ANKRD33B: variants seen among roughly 807,000 people sequenced by gnomAD.
The protein encoded by ANKRD33B is ankyrin repeat domain 33B, also known as ankyrin repeat domain-containing protein 33B.
In ANKRD33B, 6 loss-of-function variants were observed where a neutral mutation model predicts 21.5. That is an observed-to-expected ratio of 0.28 (90% confidence interval 0.15 to 0.55). The LOEUF is 0.55. Among genes scored for constraint, ANKRD33B ranks in the 20% least tolerant of loss-of-function variants. The pLI is 0.94. For missense variants in ANKRD33B, 698 were observed against 747.2 expected, an observed-to-expected ratio of 0.93 and a Z score of 0.77; for synonymous variants, 347 against 342.4, an observed-to-expected ratio of 1.01 and a Z score of -0.15.
In ANKRD33B at chr5:10,651,360, A is replaced by G. The variant is rs1737353333; in HGVS notation, c.*1247A>G. 1 of 152,172 alleles carries G rather than the reference A, an allele frequency of 6.6e-6. No individual in the cohort carries two copies. Among genetic ancestry groups the G allele is most frequent in the Non-Finnish European group, 1.5e-5 (1 of 68,006 alleles). The allele number at this position is 152,172 out of a possible 1,614,324, so 9.4% of individuals were successfully genotyped here. On this transcript the variant is annotated 3_prime_UTR_variant, in exon 4 of 4. Transcript: ENST00000296657. ...TGGGTGTGATTTGCCTTGGGCCACA[A>G]GCTCTTGGTGAGAGTCTTATGTCCA...
At chr5:10,642,105 TAATTTG>T (rs1737075347) in intron 3 of ANKRD33B, among the ~76,000 whole-genome samples, 2 of 152,240 alleles carry the variant, frequency 1.3e-5, no homozygotes, top group Non-Finnish European at 2.9e-5. Flanking sequence ...CCCATTGAAT[TAATTTG>T]AACTGCAAAC....
chr5:10,606,739 T>C (rs1174702586), intron 1 of ANKRD33B, among the ~76,000 whole-genome samples: 2 of 151,052 alleles, frequency 1.3e-5, no homozygotes, highest in Admixed American at 1.3e-4. Flanking sequence ...TCTTTTTTTT[T>C]TTTTTTTGAG....
Position 10,655,642 on chromosome 5 carries a change from A to T in ANKRD33B, c.*5529A>T, listed in dbSNP as rs375626225. 1 of 152,350 alleles carries T rather than the reference A, an allele frequency of 6.6e-6. No homozygotes were observed. The highest frequency in any genetic ancestry group is 2.4e-5 in the African/African-American group (1 of 41,436). The allele number at this position is 152,350 out of a possible 1,614,324, so 9.4% of individuals were successfully genotyped here. On this transcript the variant is annotated 3_prime_UTR_variant, in exon 4 of 4. Coordinates refer to ENST00000296657, the MANE Select transcript of ANKRD33B (RefSeq NM_001164440.2). ...GGTCAGAGTCCCCCTGTGCTGTGTC[A>T]GCTCCTGGACACTACTAGTCTTTCA... is the stretch of plus-strand genomic sequence containing the variant.
Position 10,576,867 on chromosome 5 carries a change from C to G in ANKRD33B, c.366+12034C>G, listed in dbSNP as rs2126549018. On this transcript the variant is annotated intron_variant, in intron 1 of 3. Coordinates refer to ENST00000296657, the MANE Select transcript of ANKRD33B (RefSeq NM_001164440.2). The surrounding 1 kb of genome is among the most constrained non-coding windows in gnomAD (Gnocchi z 4.1). Reference sequence around the variant, plus strand: ...CCATGGGGAGAAGCCCAGAAGAGAGCAGAGGAGGGTGCTGGGGCTTCTGGT... The same window carrying G: ...CCATGGGGAGAAGCCCAGAAGAGAGGAGAGGAGGGTGCTGGGGCTTCTGGT... Among the ~76,000 whole-genome samples the G allele has an allele frequency of 6.6e-6, 1 of 152,286 alleles. No individual in the cohort carries two copies. Among genetic ancestry groups the G allele is most frequent in the African/African-American group, 2.4e-5 (1 of 41,556 alleles).
intron 1 of ANKRD33B, among the ~76,000 whole-genome samples, chr5:10,571,125 CT>C (rs1163736849): frequency 1.3e-5 from 2 of 152,276 alleles, no homozygotes; most frequent in South Asian, 2.1e-4. Context: ...GACTTTGCCC[CT>C]GATCTACAGT....
intron 3 of ANKRD33B, among the ~76,000 whole-genome samples, chr5:10,646,858 C>G (rs781471282): frequency 2.6e-5 from 4 of 152,230 alleles, no homozygotes; most frequent in Admixed American, 6.5e-5. Flanking sequence ...CTCAGGTGAG[C>G]TGGGTCTGCC....
At position 10,619,337 on chromosome 5, in the gene ANKRD33B, A is replaced by G. The variant is rs77996632; in HGVS notation, c.496+875A>G. On this transcript the variant is annotated intron_variant, in intron 2 of 3. Coordinates refer to ENST00000296657, the MANE Select transcript of ANKRD33B (RefSeq NM_001164440.2). The surrounding 1 kb of genome is among the most constrained non-coding windows in gnomAD (Gnocchi z 4.5). ...CGGTTGTCGGGTTGTTGAGAATCCC[A>G]CTCAGGGCCTGGAAACTGGAGGAAG... is the stretch of plus-strand genomic sequence containing the variant. The G allele has an allele frequency of 2.1e-3, 2,112 of 985,330 alleles. No individual in the cohort carries two copies. The highest frequency in any genetic ancestry group is 2.4e-3 in the Non-Finnish European group (2,025 of 829,900). 61.0% of individuals were successfully genotyped at this position (985,330 alleles called of 1,614,324 possible).
chr5:10,603,853 A>G lies in ANKRD33B; in HGVS notation c.367-14480A>G, dbSNP rs1735982424. Among the ~76,000 whole-genome samples the G allele has an allele frequency of 4.6e-5, 7 of 152,188 alleles. No individual in the cohort carries two copies. The South Asian group carries it at 1.5e-3, about 32-fold the overall frequency. On this transcript the variant is annotated intron_variant, in intron 1 of 3. Coordinates refer to ENST00000296657, the MANE Select transcript of ANKRD33B (RefSeq NM_001164440.2). ...TAAATGTAAGATTATACCATAGAAA[A>G]ATGTTTTTTTTTAAACTTTTTAAAA...
At chr5:10,635,024 C>G (rs1272983459) in intron 2 of ANKRD33B, among the ~76,000 whole-genome samples, 1 of 151,594 alleles carries the variant, frequency 6.6e-6, no homozygotes, top group East Asian at 1.9e-4. Context: ...ATCGAAAGCT[C>G]AGGCCTGTAG....
Position 10,650,281 on chromosome 5 carries a change from C to A in ANKRD33B, c.*168C>A. ...TGTCCAGGCTGCTTCCAAGAGAGGG[C>A]TGAGGGAGCCACATGGATTCGCTTG... On this transcript the variant is annotated 3_prime_UTR_variant, in exon 4 of 4. Coordinates refer to ENST00000296657, the MANE Select transcript of ANKRD33B (RefSeq NM_001164440.2). The A allele has an allele frequency of 1.5e-6, 1 of 688,436 alleles. No individual in the cohort carries two copies. Among genetic ancestry groups the A allele is most frequent in the Non-Finnish European group, 2.1e-6 (1 of 481,624 alleles). The allele number at this position is 688,436 out of a possible 1,614,324, so 42.6% of individuals were successfully genotyped here. A position where few individuals can be genotyped will look rare whatever the true frequency, so the allele number is the denominator to read the frequency against.
At chr5:10,649,195 C>T (rs955772969) in intron 3 of ANKRD33B, 71 bp from the exon 4 acceptor site, 1 of 1,460,192 alleles carries the variant, frequency 6.8e-7, no homozygotes, top group African/African-American at 1.4e-5. Flanking sequence ...TGCCTTTGCC[C>T]CAGGCTCTGC....
intron 2 of ANKRD33B, among the ~76,000 whole-genome samples, chr5:10,626,837 G>A (rs961232204): frequency 6.8e-4 from 103 of 152,216 alleles, no homozygotes; most frequent in Admixed American, 5.7e-3. Flanking sequence ...TCACAAGCCC[G>A]TGCCAAACCA....
intron 1 of ANKRD33B, among the ~76,000 whole-genome samples, chr5:10,593,981 G>T (rs1351502892): frequency 1.3e-5 from 2 of 152,172 alleles, no homozygotes; most frequent in Non-Finnish European, 2.9e-5. Flanking sequence ...CAGAGTCTCT[G>T]CAGTGAGCAA....
At chr5:10,579,992 C>T (rs140081936) in intron 1 of ANKRD33B, among the ~76,000 whole-genome samples, 76 of 152,244 alleles carry the variant, frequency 5.0e-4, no homozygotes, top group Middle Eastern at 6.8e-3. Context: ...TTCCCCACCC[C>T]CTCCAGCCCT....
Position 10,613,484 on chromosome 5 carries a change from G to A in ANKRD33B, c.367-4849G>A, listed in dbSNP as rs183205366. 2.0e-3 allele frequency among the ~76,000 whole-genome samples: 297 copies of A among 151,856 alleles called. 1 individual carries two copies. Among genetic ancestry groups the A allele is most frequent in the Non-Finnish European group, 3.4e-3 (232 of 67,952 alleles). ...TTGTATTTTTTTTAGTAGAGATGGG[G>A]TTTCACCGTGTTAGCCAGGAGAGGA... On this transcript the variant is annotated intron_variant, in intron 1 of 3. Transcript: ENST00000296657.
At chr5:10,589,508 A>G (rs1049979698) in intron 1 of ANKRD33B, among the ~76,000 whole-genome samples, 2 of 152,062 alleles carry the variant, frequency 1.3e-5, no homozygotes, top group Non-Finnish European at 2.9e-5. Context: ...CTCTTTTCCA[A>G]CTTGTCAAAA....
At chr5:10,637,462 A>ACACACGG (rs1491289427) in intron 2 of ANKRD33B, among the ~76,000 whole-genome samples, 31 of 114,632 alleles carry the variant, frequency 2.7e-4, no homozygotes, top group African/African-American at 9.5e-4. Context: ...ACACACACAC[A>ACACACGG]CGGCGGCGGG....
Position 10,626,507 on chromosome 5 carries a change from A to G in ANKRD33B, c.496+8045A>G, listed in dbSNP as rs1330955632. ...CTCTCTTTTGAGCCTAGTACCTGTT[A>G]GGATGCTTTTGGCTTCAACCACAAG... is the stretch of plus-strand genomic sequence containing the variant. On this transcript the variant is annotated intron_variant, in intron 2 of 3. Transcript: ENST00000296657. Among the ~76,000 whole-genome samples, 7 of 152,206 alleles carry G rather than the reference A, an allele frequency of 4.6e-5. No homozygotes were observed. The East Asian group carries it at 1.2e-3, about 25-fold the overall frequency.
At chr5:10,591,745 A>T (rs1386954871) in intron 1 of ANKRD33B, among the ~76,000 whole-genome samples, 1 of 151,552 alleles carries the variant, frequency 6.6e-6, no homozygotes, top group Non-Finnish European at 1.5e-5. Context: ...TGGTTTTTCT[A>T]CTCATTCCTT....
Sources: allele counts gnomAD v4.1 joint callset (sites outside exome capture counted in the v4.1 genomes callset), GRCh38; gene constraint gnomAD v4.1.1; non-coding constraint Gnocchi (gnomAD v3.1); transcripts MANE v1.5; gene names NCBI Gene and HGNC (gene_info 2026-07-23, HGNC 2026-07-21).